TYW1B: variants seen among roughly 807,000 people sequenced by gnomAD.
TYW1B encodes the protein tRNA-yW synthesizing protein 1 homolog B.
Under a neutral mutation model 86.9 loss-of-function variants are expected in TYW1B, and 73 were observed. That is an observed-to-expected ratio of 0.84 (90% confidence interval 0.70 to 1.02). TYW1B has a LOEUF of 1.02. Among genes scored for constraint, TYW1B ranks in the 50% least tolerant of loss-of-function variants. The pLI is 0.00. For synonymous variants in TYW1B, 248 were observed against 292.8 expected, an observed-to-expected ratio of 0.85 and a Z score of 1.56; for missense variants, 637 against 827.4, an observed-to-expected ratio of 0.77 and a Z score of 2.82.
At chr7:72,771,961 C>T (rs1477327680) in intron 7 of TYW1B, among the ~76,000 whole-genome samples, 1 of 151,648 alleles carries the variant, frequency 6.6e-6, no homozygotes, top group Non-Finnish European at 1.5e-5. Context: ...ATTCTCATGC[C>T]TCAGACTCCC....
intron 13 of TYW1B, among the ~76,000 whole-genome samples, chr7:72,602,654 C>CA (rs1811692421): frequency 6.7e-6 from 1 of 149,746 alleles, no homozygotes; most frequent in Non-Finnish European, 1.5e-5. Context: ...GGCTGACTGA[C>CA]AGCTGCAGCT....
At chr7:72,818,792 A>C (rs13311141) in intron 2 of TYW1B, among the ~76,000 whole-genome samples, 1 of 151,876 alleles carries the variant, frequency 6.6e-6, no homozygotes, top group Non-Finnish European at 1.5e-5. Flanking sequence ...GAGAAGGAGG[A>C]GGTGCCACAC....
intron 7 of TYW1B, among the ~76,000 whole-genome samples, chr7:72,758,667 A>G (rs1787636563): frequency 6.6e-6 from 1 of 152,054 alleles, no homozygotes; most frequent in Non-Finnish European, 1.5e-5. Context: ...CTTTTAGTAG[A>G]GGCTTTTTTA....
intron 7 of TYW1B, among the ~76,000 whole-genome samples, chr7:72,759,617 G>A (rs1228038686): frequency 2.6e-5 from 4 of 152,168 alleles, no homozygotes; most frequent in Admixed American, 6.6e-5. Flanking sequence ...AACATGTTGA[G>A]TCTTCTAACT....
chr7:72,755,361 G>A (rs1449886394), intron 7 of TYW1B, among the ~76,000 whole-genome samples: 1 of 152,190 alleles, frequency 6.6e-6, no homozygotes, highest in African/African-American at 2.4e-5. Flanking sequence ...CAAGGCTGCA[G>A]TGAGCCATGA....
At chr7:72,600,147 G>C (rs1272818385) in intron 13 of TYW1B, among the ~76,000 whole-genome samples, 3 of 152,274 alleles carry the variant, frequency 2.0e-5, no homozygotes, top group East Asian at 1.9e-4. Context: ...AATCAAGACT[G>C]CATGGTATTG....
At chr7:72,607,363 G>C (rs1811823836) in intron 13 of TYW1B, among the ~76,000 whole-genome samples, 1 of 142,554 alleles carries the variant, frequency 7.0e-6, no homozygotes, top group Non-Finnish European at 1.5e-5. Context: ...CTGGATTCCA[G>C]CCTGGATGAC....
chr7:72,767,305 C>T (rs1370876230), intron 7 of TYW1B, among the ~76,000 whole-genome samples: 6 of 152,128 alleles, frequency 3.9e-5, no homozygotes, highest in Non-Finnish European at 8.8e-5. Flanking sequence ...TCAATTTTTC[C>T]TTTAAAAATC....
At chr7:72,602,747 C>T (rs1257444836) in intron 13 of TYW1B, among the ~76,000 whole-genome samples, 1 of 151,794 alleles carries the variant, frequency 6.6e-6, no homozygotes, top group Admixed American at 6.6e-5. Context: ...AGTCAAAAGA[C>T]TGTAAGTTGA....
chr7:72,775,716 G>T (rs1293590279), intron 7 of TYW1B, among the ~76,000 whole-genome samples: 5 of 150,928 alleles, frequency 3.3e-5, no homozygotes, highest in Non-Finnish European at 7.4e-5. Flanking sequence ...GTCGCCACAG[G>T]TAAGTTTAAA....
At chr7:72,763,989 T>A (rs952634155) in intron 7 of TYW1B, among the ~76,000 whole-genome samples, 62 of 152,342 alleles carry the variant, frequency 4.1e-4, no homozygotes, top group Middle Eastern at 6.8e-3. Flanking sequence ...ATGTTATCAG[T>A]CATAATTGAT....
intron 2 of TYW1B, among the ~76,000 whole-genome samples, chr7:72,822,362 C>A (rs1788845903): frequency 6.6e-6 from 1 of 151,376 alleles, no homozygotes; most frequent in South Asian, 2.1e-4. Flanking sequence ...GCACACAAAT[C>A]GTCAAAATGC....
At chr7:72,790,159 T>G (rs1333008394) in intron 6 of TYW1B, among the ~76,000 whole-genome samples, 1 of 150,278 alleles carries the variant, frequency 6.7e-6, no homozygotes, top group Non-Finnish European at 1.5e-5. Flanking sequence ...ACCATGGTGG[T>G]CAGGCTGGTC....
At chr7:72,815,901 C>G (rs1788713770) in intron 2 of TYW1B, among the ~76,000 whole-genome samples, 1 of 152,004 alleles carries the variant, frequency 6.6e-6, no homozygotes, top group Non-Finnish European at 1.5e-5. Context: ...TGATGGTACA[C>G]ACCTGTAGTC....
At chr7:72,658,377 A>G (rs1813255557) in intron 11 of TYW1B, among the ~76,000 whole-genome samples, 1 of 152,240 alleles carries the variant, frequency 6.6e-6, no homozygotes, top group African/African-American at 2.4e-5. Flanking sequence ...AAATATTGTT[A>G]CACAAACAAA....
At chr7:72,773,639 A>G (rs1787903434) in intron 7 of TYW1B, among the ~76,000 whole-genome samples, 1 of 152,238 alleles carries the variant, frequency 6.6e-6, no homozygotes, top group Admixed American at 6.5e-5. Context: ...ATTTCTCTCA[A>G]GTATTTGCCC....
chr7:72,636,607 G>A, intron 11 of TYW1B, among the ~76,000 whole-genome samples: 1 of 152,118 alleles, frequency 6.6e-6, no homozygotes, highest in Admixed American at 6.5e-5. Context: ...AATCCTAATT[G>A]GCTACAAGAT....
At chr7:72,740,301 G>A (rs1217193374) in intron 8 of TYW1B, among the ~76,000 whole-genome samples, 1 of 151,922 alleles carries the variant, frequency 6.6e-6, no homozygotes, top group Non-Finnish European at 1.5e-5. Context: ...TCAGGAGGCT[G>A]AGGCATGAGA....
intron 11 of TYW1B, among the ~76,000 whole-genome samples, chr7:72,655,987 C>A (rs868966425): frequency 6.6e-6 from 1 of 152,240 alleles, no homozygotes; most frequent in Non-Finnish European, 1.5e-5. Flanking sequence ...ACTGCCACCA[C>A]TATTGCATGA....
Sources: gnomAD v4.1 joint callset for allele counts (sites outside exome capture counted in the v4.1 genomes callset) on GRCh38, gnomAD v4.1.1 for gene constraint, MANE v1.5 for transcripts, NCBI Gene and HGNC (gene_info 2026-07-23, HGNC 2026-07-21) for gene names.